The following RBFOX1 variants were observed in gnomAD, a reference collection of about 807,000 sequenced individuals.
RBFOX1 encodes the protein RNA binding protein fox-1 homolog 1.
In RBFOX1, 8 loss-of-function variants were observed where a neutral mutation model predicts 57.7. The observed-to-expected ratio is 0.14, with a 90% CI of 0.08 to 0.25. RBFOX1 has a LOEUF of 0.25. RBFOX1 is among the 10% of genes least tolerant of loss of function. The pLI, the probability that RBFOX1 is intolerant of heterozygous loss-of-function variation, is 1.00. For synonymous variants in RBFOX1, 326 were observed against 222.4 expected (o/e 1.47, Z -4.15); for missense variants, 611 against 548.5 (o/e 1.11, Z -1.14).
chr16:6,794,436 C>T (rs937085094), intron 3 of RBFOX1, among the ~76,000 whole-genome samples: 1 of 151,982 alleles, frequency 6.6e-6, no homozygotes, highest in African/African-American at 2.4e-5. Context: ...CTCAGATTCC[C>T]TTCAGGATGC....
At chr16:7,611,538 C>A (rs903740523) in intron 10 of RBFOX1, among the ~76,000 whole-genome samples, 13 of 150,238 alleles carry the variant, frequency 8.7e-5, no homozygotes, top group Admixed American at 7.9e-4. Context: ...AAGATTGCAC[C>A]ATTGCACTGC....
chr16:7,710,394 G>C, intron 15 of RBFOX1: 3 of 1,384,724 alleles, frequency 2.2e-6, no homozygotes, highest in Non-Finnish European at 2.8e-6. Flanking sequence ...TTAGCTAAGA[G>C]GACTGGCTGA....
chr16:7,591,052 G>A (rs994839455), intron 7 of RBFOX1, among the ~76,000 whole-genome samples: 2 of 152,072 alleles, frequency 1.3e-5, no homozygotes, highest in African/African-American at 2.4e-5. Context: ...GCTGTTCTGC[G>A]GTGATGGGAG....
intron 1 of RBFOX1, among the ~76,000 whole-genome samples, chr16:5,375,539 A>G (rs963494953): frequency 5.4e-4 from 83 of 152,308 alleles, no homozygotes; most frequent in African/African-American, 1.8e-3. Context: ...AGGTGTGTAC[A>G]TGGAGATCTC....
intron 4 of RBFOX1, among the ~76,000 whole-genome samples, chr16:7,092,511 C>G (rs575708755): frequency 6.6e-6 from 1 of 152,168 alleles, no homozygotes; most frequent in Non-Finnish European, 1.5e-5. Flanking sequence ...AGTGTTCCAG[C>G]GAATGGCGAT....
chr16:6,965,111 T>C (rs1027617320), intron 3 of RBFOX1, among the ~76,000 whole-genome samples: 4 of 152,094 alleles, frequency 2.6e-5, no homozygotes, highest in Non-Finnish European at 5.9e-5. Context: ...GGTGGGTTTA[T>C]CTAGACTCTG....
At chr16:6,541,738 G>A (rs996140892) in intron 2 of RBFOX1, among the ~76,000 whole-genome samples, 7 of 152,114 alleles carry the variant, frequency 4.6e-5, no homozygotes, top group Non-Finnish European at 1.0e-4. Flanking sequence ...AGTAGCTGTG[G>A]GCAGGAGCTA....
intron 3 of RBFOX1, among the ~76,000 whole-genome samples, chr16:5,833,116 C>T (rs1298021317): frequency 1.3e-5 from 2 of 152,146 alleles, no homozygotes; most frequent in South Asian, 2.1e-4. Flanking sequence ...GAACCCCATA[C>T]TAGAGCCTTA....
In RBFOX1 at chr16:7,178,351, C is replaced by T. The variant is rs533091942; in HGVS notation, c.27+126253C>T. Among the ~76,000 whole-genome samples, 6 of 152,272 alleles carry T rather than the reference C, an allele frequency of 3.9e-5. No homozygotes were observed. In the South Asian group the frequency reaches 6.2e-4, roughly 16 times the overall value. Reference sequence around the variant, plus strand: ...AGGTCTTCCAATGGTAATTAAATGACTGGGTCACTAACAATTTGGGCATAG... The same window carrying T: ...AGGTCTTCCAATGGTAATTAAATGATTGGGTCACTAACAATTTGGGCATAG... On this transcript the variant is annotated intron_variant, in intron 4 of 15. Coordinates refer to ENST00000550418, the MANE Select transcript of RBFOX1 (RefSeq NM_018723.4).
intron 4 of RBFOX1, among the ~76,000 whole-genome samples, chr16:7,412,499 G>A (rs985399008): frequency 4.6e-5 from 7 of 151,316 alleles, no homozygotes; most frequent in Admixed American, 1.3e-4. Context: ...TCTGTAAATC[G>A]AAAAGTATGC....
intron 2 of RBFOX1, among the ~76,000 whole-genome samples, chr16:5,524,448 T>C (rs779035547): frequency 7.9e-5 from 12 of 152,194 alleles, no homozygotes; most frequent in Non-Finnish European, 1.2e-4. Flanking sequence ...AGTGAACATA[T>C]GTGTGCATGT....
chr16:5,812,841 G>T (rs577210649), intron 3 of RBFOX1, among the ~76,000 whole-genome samples: 1 of 152,178 alleles, frequency 6.6e-6, no homozygotes, highest in East Asian at 1.9e-4. Flanking sequence ...TTTTCCTCGT[G>T]ACTAATGATG....
intron 2 of RBFOX1, among the ~76,000 whole-genome samples, chr16:6,475,596 G>A (rs143159034): frequency 7.2e-5 from 11 of 152,104 alleles, no homozygotes; most frequent in Non-Finnish European, 1.2e-4. Context: ...ACTATAAATC[G>A]TATGTTCTCC....
intron 3 of RBFOX1, among the ~76,000 whole-genome samples, chr16:6,807,190 G>C (rs2087053032): frequency 6.6e-6 from 1 of 151,952 alleles, no homozygotes; most frequent in Non-Finnish European, 1.5e-5. Flanking sequence ...ATTGGAGATT[G>C]GACAGGGAGA....
intron 1 of RBFOX1, among the ~76,000 whole-genome samples, chr16:6,164,639 G>T (rs771037862): frequency 6.7e-6 from 1 of 150,092 alleles, no homozygotes; most frequent in Non-Finnish European, 1.5e-5. Context: ...GTAAATTTTT[G>T]TTTTGTTTTG....
chr16:5,664,017 C>T (rs1330346403), intron 3 of RBFOX1, among the ~76,000 whole-genome samples: 1 of 152,138 alleles, frequency 6.6e-6, no homozygotes, highest in Non-Finnish European at 1.5e-5. Context: ...CTCCTGGGGA[C>T]CCCACACATG....
intron 14 of RBFOX1, among the ~76,000 whole-genome samples, chr16:7,677,964 G>C (rs182819044): frequency 6.6e-6 from 1 of 152,162 alleles, no homozygotes; most frequent in Non-Finnish European, 1.5e-5. Context: ...CTCACGAGAC[G>C]TGGTGTTAGC....
chr16:6,970,209 C>A (rs996002538), intron 3 of RBFOX1, among the ~76,000 whole-genome samples: 4 of 151,742 alleles, frequency 2.6e-5, no homozygotes, highest in Non-Finnish European at 2.9e-5. Flanking sequence ...AACAAAAAAC[C>A]CCAAAATCAA....
intron 3 of RBFOX1, among the ~76,000 whole-genome samples, chr16:6,713,583 G>A (rs574457118): frequency 1.3e-5 from 2 of 152,000 alleles, no homozygotes; most frequent in Non-Finnish European, 2.9e-5. Context: ...ATATTTTCAA[G>A]TGTCCCTTTG....
Sources: gnomAD v4.1 joint callset for allele counts (sites outside exome capture counted in the v4.1 genomes callset) on GRCh38, gnomAD v4.1.1 for gene constraint, MANE v1.5 for transcripts, NCBI Gene and HGNC (gene_info 2026-07-23, HGNC 2026-07-21) for gene names.